The following SEMA5A variants were observed in gnomAD, a reference collection of about 807,000 sequenced individuals.
The protein encoded by SEMA5A is semaphorin 5A, also known as semaphorin-5A.
SEMA5A carries 55 observed loss-of-function variants against 135.5 expected under a neutral mutation model. That is an observed-to-expected ratio of 0.41 (90% CI 0.33 to 0.51). SEMA5A has a LOEUF of 0.51. Among genes scored for constraint, SEMA5A ranks in the 20% least tolerant of loss-of-function variants. The pLI is 0.37. For missense variants in SEMA5A, 1,290 were observed against 1,419.9 expected, an observed-to-expected ratio of 0.91 and a Z score of 1.47; for synonymous variants, 580 against 546.5, an observed-to-expected ratio of 1.06 and a Z score of -0.85.
Position 9,285,213 on chromosome 5 carries a change from T to G in SEMA5A, c.270+33159A>C, listed in dbSNP as rs147766417. Among the ~76,000 whole-genome samples, 508 of 152,336 alleles carry G rather than the reference T, an allele frequency of 3.3e-3. 3 individuals are homozygous for G. Among genetic ancestry groups the G allele is most frequent in the African/African-American group, 0.012 (498 of 41,578 alleles). Reference sequence around the variant, plus strand: ...TCTACAAATGATTTCTAACATTTCTTGTTACAAAATGTTCCTGTGTGGAAA... The same window carrying G: ...TCTACAAATGATTTCTAACATTTCTGGTTACAAAATGTTCCTGTGTGGAAA... On this transcript the variant is annotated intron_variant, in intron 5 of 22. Transcript: ENST00000382496.
At chr5:9,243,195 G>A (rs754904068) in intron 5 of SEMA5A, among the ~76,000 whole-genome samples, 10 of 152,150 alleles carry the variant, frequency 6.6e-5, no homozygotes, top group South Asian at 2.1e-4. Flanking sequence ...GGTTGAATCC[G>A]ACTGAAAACT....
intron 5 of SEMA5A, among the ~76,000 whole-genome samples, chr5:9,257,290 AT>A (rs947890922): frequency 1.3e-5 from 2 of 152,190 alleles, no homozygotes; most frequent in African/African-American, 4.8e-5. Context: ...AGCGTCTTGT[AT>A]TGGAGACATT....
intron 1 of SEMA5A, among the ~76,000 whole-genome samples, chr5:9,455,894 A>T (rs1463326734): frequency 6.6e-6 from 1 of 152,226 alleles, no homozygotes; most frequent in Non-Finnish European, 1.5e-5. Flanking sequence ...TATTTGACTA[A>T]AACTTACAGA....
At chr5:9,292,218 T>A (rs1319192081) in intron 5 of SEMA5A, among the ~76,000 whole-genome samples, 1 of 152,238 alleles carries the variant, frequency 6.6e-6, no homozygotes, top group Non-Finnish European at 1.5e-5. Flanking sequence ...AAATCAATTC[T>A]GTGAATCCTC....
At chr5:9,433,555 C>T (rs993486887) in intron 2 of SEMA5A, among the ~76,000 whole-genome samples, 5 of 151,458 alleles carry the variant, frequency 3.3e-5, no homozygotes, top group South Asian at 2.1e-4. Flanking sequence ...TTCTCACACA[C>T]GCTTGTTTGT....
chr5:9,366,382 A>G (rs920528806), intron 3 of SEMA5A, among the ~76,000 whole-genome samples: 5 of 151,838 alleles, frequency 3.3e-5, no homozygotes, highest in Non-Finnish European at 7.4e-5. Flanking sequence ...TGCTCCTGCA[A>G]TAAAGAATTC....
At chr5:9,245,133 G>A (rs946662523) in intron 5 of SEMA5A, among the ~76,000 whole-genome samples, 4 of 152,108 alleles carry the variant, frequency 2.6e-5, no homozygotes, top group Non-Finnish European at 5.9e-5. Flanking sequence ...CAATTCCTAA[G>A]TTTTAAATTG....
intron 6 of SEMA5A, among the ~76,000 whole-genome samples, chr5:9,236,489 CTATT>C (rs1158256757): frequency 6.6e-6 from 1 of 152,154 alleles, no homozygotes; most frequent in Non-Finnish European, 1.5e-5. Context: ...AAAAAGGAAA[CTATT>C]TAGAAATCAC....
chr5:9,496,718 C>G (rs1207754141), intron 1 of SEMA5A, among the ~76,000 whole-genome samples: 1 of 151,974 alleles, frequency 6.6e-6, no homozygotes, highest in African/African-American at 2.4e-5. Flanking sequence ...GCCAAGTAGT[C>G]AAGAAAAAAA....
chr5:9,057,966 C>A (rs1026755864), intron 18 of SEMA5A, among the ~76,000 whole-genome samples: 4 of 152,098 alleles, frequency 2.6e-5, no homozygotes, highest in Admixed American at 1.3e-4. Flanking sequence ...TTTCAGAACA[C>A]AGATCTTAAT....
At chr5:9,169,746 CCTCCA>C (rs1743811059) in intron 11 of SEMA5A, among the ~76,000 whole-genome samples, 2 of 152,172 alleles carry the variant, frequency 1.3e-5, no homozygotes, top group Non-Finnish European at 2.9e-5. Flanking sequence ...CAAGGAAGGG[CCTCCA>C]GGCTGCTCAG....
chr5:9,353,060 G>A (rs1047668019), intron 3 of SEMA5A, among the ~76,000 whole-genome samples: 86 of 36,522 alleles, frequency 2.4e-3, no homozygotes, highest in African/African-American at 7.6e-3. Flanking sequence ...GAAAGGAAAG[G>A]AAGGAAAGGA....
chr5:9,463,446 G>GT lies in SEMA5A; in HGVS notation c.-174-25595dup, dbSNP rs565804821. Among the ~76,000 whole-genome samples, 1,492 of 149,504 alleles carry GT rather than the reference G, an allele frequency of 1.0e-2. 10 individuals are homozygous for GT. Among genetic ancestry groups the GT allele is most frequent in the South Asian group, 0.025 (116 of 4,732 alleles). On this transcript the variant is annotated intron_variant, in intron 1 of 22. Transcript: ENST00000382496. ...TAAGTATTATTTTCCAGGCAAGTTA[G>GT]TTTTTTTTTTATTTTTCTAAACTGT...
chr5:9,444,643 A>G (rs1297305281), intron 1 of SEMA5A, among the ~76,000 whole-genome samples: 3 of 152,218 alleles, frequency 2.0e-5, no homozygotes, highest in Non-Finnish European at 4.4e-5. Flanking sequence ...CTGTGATCCT[A>G]TAAACATGCA....
intron 1 of SEMA5A, among the ~76,000 whole-genome samples, chr5:9,467,029 C>T (rs1759286113): frequency 6.6e-6 from 1 of 152,252 alleles, no homozygotes; most frequent in African/African-American, 2.4e-5. Flanking sequence ...AACCAATAGC[C>T]TTCCCCAGAA....
intron 5 of SEMA5A, among the ~76,000 whole-genome samples, chr5:9,258,881 C>G (rs1357054074): frequency 8.6e-6 from 1 of 116,474 alleles, no homozygotes; most frequent in Non-Finnish European, 1.6e-5. Flanking sequence ...ATGTCATGAT[C>G]TCTGCTCACT....
chr5:9,482,801 G>A lies in SEMA5A; in HGVS notation c.-174-44949C>T, dbSNP rs943710954. Among the ~76,000 whole-genome samples the A allele has an allele frequency of 2.0e-5, 3 of 152,208 alleles. No homozygotes were observed. In the East Asian group the frequency reaches 5.8e-4, roughly 29 times the overall value. ...CTGAAAAGAAGCTGGGCAGGGGCCTGGTGCCCACTTCTTTTGACAGGCGAT... is the reference window on the plus strand; with the variant it reads ...CTGAAAAGAAGCTGGGCAGGGGCCTAGTGCCCACTTCTTTTGACAGGCGAT... On this transcript the variant is annotated intron_variant, in intron 1 of 22. Transcript: ENST00000382496.
chr5:9,086,898 T>A (rs1738725523), intron 16 of SEMA5A, among the ~76,000 whole-genome samples: 1 of 152,244 alleles, frequency 6.6e-6, no homozygotes. Flanking sequence ...TTTGATTTTA[T>A]TTTCTTTTTT....
At chr5:9,082,488 G>T (rs1042374089) in intron 16 of SEMA5A, among the ~76,000 whole-genome samples, 1 of 152,084 alleles carries the variant, frequency 6.6e-6, no homozygotes, top group African/African-American at 2.4e-5. Flanking sequence ...TCTAAACTGT[G>T]ATGCTCTCTG....
Sources: gnomAD v4.1 joint callset for allele counts (sites outside exome capture counted in the v4.1 genomes callset) on GRCh38, gnomAD v4.1.1 for gene constraint, MANE v1.5 for transcripts, NCBI Gene and HGNC (gene_info 2026-07-23, HGNC 2026-07-21) for gene names.